MMP26: variants seen among roughly 807,000 people sequenced by gnomAD.
The protein encoded by MMP26 is matrix metallopeptidase 26, also known as matrix metalloproteinase-26.
A neutral mutation model predicts 31.0 loss-of-function variants in MMP26; 33 were observed. The ratio of observed to expected loss-of-function variants is 1.06; its 90% CI spans 0.81 to 1.42. The LOEUF (loss-of-function observed/expected upper bound fraction) is 1.42, where lower values mean the gene tolerates loss of function less well. Ranked by LOEUF, MMP26 falls within the 40% of genes most tolerant of loss-of-function variation. MMP26 has a pLI of 0.00. For synonymous variants in MMP26, 122 were observed against 114.9 expected (o/e 1.06, Z -0.40); for missense variants, 347 against 316.1 (o/e 1.10, Z -0.74).
chr11:4,873,485 C>A (rs1237679805), intron 2 of MMP26, among the ~76,000 whole-genome samples: 1 of 152,054 alleles, frequency 6.6e-6, no homozygotes, highest in Non-Finnish European at 1.5e-5. Context: ...CCACTACTGG[C>A]AGGCCATTGG....
At chr11:4,870,232 G>T (rs1297866926) in intron 2 of MMP26, among the ~76,000 whole-genome samples, 1 of 151,720 alleles carries the variant, frequency 6.6e-6, no homozygotes. Flanking sequence ...AATAAAAAAA[G>T]AAATAAAGAA....
chr11:4,983,468 A>G (rs376668471), intron 2 of MMP26, among the ~76,000 whole-genome samples: 33 of 152,330 alleles, frequency 2.2e-4, no homozygotes, highest in Admixed American at 4.6e-4. Context: ...AGTAACAGAA[A>G]AAGTGGCCGT....
chr11:4,761,371 T>TA (rs768564939), intron 1 of MMP26, among the ~76,000 whole-genome samples: 3 of 152,206 alleles, frequency 2.0e-5, no homozygotes, highest in Non-Finnish European at 4.4e-5. Context: ...CCCTTGCTCT[T>TA]ACTTACAGTG....
intron 2 of MMP26, among the ~76,000 whole-genome samples, chr11:4,921,221 C>T (rs1851178664): frequency 6.6e-6 from 1 of 152,144 alleles, no homozygotes; most frequent in Non-Finnish European, 1.5e-5. Context: ...CTTCTTTTCC[C>T]TAGGCTCACA....
intron 2 of MMP26, among the ~76,000 whole-genome samples, chr11:4,936,028 C>A (rs1385189101): frequency 7.3e-6 from 1 of 137,300 alleles, no homozygotes; most frequent in Admixed American, 7.5e-5. Flanking sequence ...GGATATTGGT[C>A]TAAAATTCTC....
intron 1 of MMP26, among the ~76,000 whole-genome samples, chr11:4,743,274 C>T (rs1436646769): frequency 6.6e-6 from 1 of 152,120 alleles, no homozygotes; most frequent in African/African-American, 2.4e-5. Context: ...GCTTATTTTT[C>T]TCTTCCTGAT....
intron 2 of MMP26, among the ~76,000 whole-genome samples, chr11:4,884,963 T>C (rs1045938026): frequency 1.3e-5 from 2 of 152,132 alleles, no homozygotes; most frequent in African/African-American, 2.4e-5. Flanking sequence ...TTCCAGAGGT[T>C]TTAGATGAAC....
intron 2 of MMP26, among the ~76,000 whole-genome samples, chr11:4,850,867 A>G (rs947089020): frequency 6.7e-6 from 1 of 149,102 alleles, no homozygotes; most frequent in Non-Finnish European, 1.5e-5. Context: ...CTAAACATTT[A>G]TTACAAAAAT....
intron 1 of MMP26, among the ~76,000 whole-genome samples, chr11:4,747,878 A>G (rs1848400171): frequency 6.6e-6 from 1 of 152,100 alleles, no homozygotes; most frequent in Non-Finnish European, 1.5e-5. Context: ...CTAACATCAT[A>G]CATCAAGAAA....
intron 2 of MMP26, among the ~76,000 whole-genome samples, chr11:4,867,082 T>C (rs1179736460): frequency 6.6e-6 from 1 of 151,866 alleles, no homozygotes. Flanking sequence ...AACTGACCAA[T>C]GGGAAATAAT....
intron 1 of MMP26, among the ~76,000 whole-genome samples, chr11:4,727,454 G>GA (rs1235924279): frequency 4.6e-5 from 7 of 151,878 alleles, no homozygotes; most frequent in African/African-American, 1.5e-4. Context: ...GGCCATATTT[G>GA]AAAAAAATCT....
intron 2 of MMP26, among the ~76,000 whole-genome samples, chr11:4,982,553 T>C (rs1349743587): frequency 6.6e-6 from 1 of 152,186 alleles, no homozygotes; most frequent in Non-Finnish European, 1.5e-5. Flanking sequence ...CCCTAATTTG[T>C]AAAATAAAAG....
chr11:4,975,641 A>T (rs1279849215), intron 2 of MMP26, among the ~76,000 whole-genome samples: 2 of 152,022 alleles, frequency 1.3e-5, no homozygotes, highest in African/African-American at 4.8e-5. Context: ...GCTGCTTGAG[A>T]TCATTCTGCA....
intron 2 of MMP26, among the ~76,000 whole-genome samples, chr11:4,827,980 A>T (rs898123447): frequency 6.6e-6 from 1 of 152,174 alleles, no homozygotes; most frequent in Non-Finnish European, 1.5e-5. Flanking sequence ...ACATGTCAGG[A>T]ACTAATAGAA....
chr11:4,959,334 G>A (rs1445596169), intron 2 of MMP26, among the ~76,000 whole-genome samples: 1 of 151,582 alleles, frequency 6.6e-6, no homozygotes, highest in South Asian at 2.1e-4. Context: ...TATCAAAGGA[G>A]GCCATTATAT....
intron 2 of MMP26, chr11:4,822,505 A>T: frequency 1.2e-6 from 1 of 807,132 alleles, no homozygotes; most frequent in Non-Finnish European, 1.7e-6. Context: ...TGTGACATTT[A>T]TTTAGTCAAT....
At chr11:4,748,531 A>G (rs960507266) in intron 1 of MMP26, among the ~76,000 whole-genome samples, 1 of 151,920 alleles carries the variant, frequency 6.6e-6, no homozygotes, top group Non-Finnish European at 1.5e-5. Context: ...ATATAGATGC[A>G]AAAATTCTTA....
chr11:4,813,919 C>A (rs954800480), intron 2 of MMP26, among the ~76,000 whole-genome samples: 1 of 151,940 alleles, frequency 6.6e-6, no homozygotes, highest in Non-Finnish European at 1.5e-5. Context: ...ACAAAGAGAG[C>A]CCCGTAATCC....
intron 2 of MMP26, among the ~76,000 whole-genome samples, chr11:4,792,556 C>A (rs1849042616): frequency 6.6e-6 from 1 of 152,158 alleles, no homozygotes; most frequent in African/African-American, 2.4e-5. Flanking sequence ...AAGCAATATC[C>A]ATTTTCACTG....
Sources: gnomAD v4.1 joint callset for allele counts (sites outside exome capture counted in the v4.1 genomes callset) on GRCh38, gnomAD v4.1.1 for gene constraint, MANE v1.5 for transcripts, NCBI Gene and HGNC (gene_info 2026-07-23, HGNC 2026-07-21) for gene names.